ATRN: variants seen among roughly 807,000 people sequenced by gnomAD.
ATRN encodes attractin-2.
In ATRN, 54 loss-of-function variants were observed where a neutral mutation model predicts 178.7. The observed-to-expected ratio is 0.30, with a 90% CI of 0.24 to 0.38. The LOEUF is 0.38. ATRN is among the 10% of genes least tolerant of loss of function. The pLI, the probability that ATRN is intolerant of heterozygous loss-of-function variation, is 1.00. For synonymous variants in ATRN, 636 were observed against 663.0 expected, an observed-to-expected ratio of 0.96 and a Z score of 0.63; for missense variants, 1,443 against 1,815.1, an observed-to-expected ratio of 0.79 and a Z score of 3.73.
chr20:3,562,639 G>A (rs548225450), intron 9 of ATRN, among the ~76,000 whole-genome samples, 180 bp downstream of exon 9: 40 of 152,232 alleles, frequency 2.6e-4, no homozygotes, highest in East Asian at 5.8e-4. Context: ...ATTTTGTTAC[G>A]TTATTCTGTA....
At chr20:3,516,125 T>C (rs1184248704) in intron 1 of ATRN, among the ~76,000 whole-genome samples, 1 of 152,196 alleles carries the variant, frequency 6.6e-6, no homozygotes, top group African/African-American at 2.4e-5. Context: ...CAGCTAATTA[T>C]CAGCTAAAAT....
Position 3,649,840 on chromosome 20 carries a change from GGAATCAGTT to G in ATRN, c.*2994_*3002del, listed in dbSNP as rs2087133604. 1 of 152,156 alleles carries G rather than the reference GGAATCAGTT, an allele frequency of 6.6e-6. No homozygotes were observed. The highest frequency in any genetic ancestry group is 2.1e-4 in the South Asian group (1 of 4,818). The allele number at this position is 152,156 out of a possible 1,614,324, so 9.4% of individuals were successfully genotyped here. A position where few individuals can be genotyped will look rare whatever the true frequency, so the allele number is the denominator to read the frequency against. On this transcript the variant is annotated 3_prime_UTR_variant, in exon 29 of 29. Transcript: ENST00000262919. ...TCTAAATTTTTAATGACCATTTCCT[GGAATCAGTT>G]TATTATACTGAAAACTGGGGGTGGG... is the stretch of plus-strand genomic sequence containing the variant.
chr20:3,495,606 A>T (rs2084867315), intron 1 of ATRN, among the ~76,000 whole-genome samples: 1 of 152,202 alleles, frequency 6.6e-6, no homozygotes. Flanking sequence ...ATGTGAATTT[A>T]AACTATAAAA....
chr20:3,521,341 GA>G (rs904230967), intron 1 of ATRN, among the ~76,000 whole-genome samples: 21 of 142,510 alleles, frequency 1.5e-4, no homozygotes, highest in South Asian at 8.8e-4. Context: ...AAAGTCAAGA[GA>G]AAAAAAAAAC....
Position 3,638,534 on chromosome 20 carries a change from A to C in ATRN, c.3943-294A>C, listed in dbSNP as rs1428404185. The stretch of plus-strand genomic sequence containing the variant: ...GTTTTCTTTATCCAGTCTATCATTG[A>C]TGGGCATTTGGGTTGGTTCTAAGTC... On this transcript the variant is annotated intron_variant, in intron 26 of 28. Coordinates refer to ENST00000262919, the MANE Select transcript of ATRN (RefSeq NM_139321.3). This position sits in a 1 kb window ranked among gnomAD's most constrained non-coding sequence, Gnocchi z 4.5. Among the ~76,000 whole-genome samples, 1 of 152,142 alleles carries C rather than the reference A, an allele frequency of 6.6e-6. No homozygotes were observed. The highest frequency in any genetic ancestry group is 2.4e-5 in the African/African-American group (1 of 41,410).
At position 3,616,108 on chromosome 20, in the gene ATRN, C is replaced by T. The variant is rs526707; in HGVS notation, c.3802-8403C>T. The stretch of plus-strand genomic sequence containing the variant: ...CGAAAGTCCCCTGCTTTTCAGCTTT[C>T]GCTTTGGTTGTCTCTTGTCAGCTCT... On this transcript the variant is annotated intron_variant, in intron 24 of 28. Transcript: ENST00000262919. 8.2e-3 allele frequency among the ~76,000 whole-genome samples: 1,251 copies of T among 151,916 alleles called. 5 individuals carry two copies. Among genetic ancestry groups the T allele is most frequent in the African/African-American group, 0.017 (691 of 41,434 alleles).
At chr20:3,471,782 T>G (rs1410005326) in intron 1 of ATRN, among the ~76,000 whole-genome samples, 1 of 152,158 alleles carries the variant, frequency 6.6e-6, no homozygotes, top group Non-Finnish European at 1.5e-5. Flanking sequence ...ATGGGAAGAA[T>G]GCTGAGGGAC....
intron 18 of ATRN, among the ~76,000 whole-genome samples, chr20:3,586,631 G>C (rs1321230998): frequency 6.9e-6 from 1 of 145,398 alleles, no homozygotes; most frequent in African/African-American, 2.6e-5. Flanking sequence ...TAGGCATGAG[G>C]TTTTCTAGAG....
intron 25 of ATRN, among the ~76,000 whole-genome samples, chr20:3,628,609 C>G (rs1309493106): frequency 6.6e-6 from 1 of 152,148 alleles, no homozygotes; most frequent in Non-Finnish European, 1.5e-5. Flanking sequence ...TCTTGGTTAT[C>G]AGATCTAAAA....
chr20:3,591,714 T>C (rs932022423), intron 19 of ATRN, among the ~76,000 whole-genome samples: 4 of 151,944 alleles, frequency 2.6e-5, no homozygotes, highest in Non-Finnish European at 5.9e-5. Context: ...GACACTAAGG[T>C]TGTGGGAAGG....
At chr20:3,501,426 G>A (rs1600041271) in intron 1 of ATRN, among the ~76,000 whole-genome samples, 2 of 152,124 alleles carry the variant, frequency 1.3e-5, no homozygotes, top group African/African-American at 4.8e-5. Context: ...GGAACTTAGG[G>A]TACCTTAGAA....
chr20:3,629,307 C>T (rs372560207), intron 25 of ATRN: 12 of 985,000 alleles, frequency 1.2e-5, no homozygotes, highest in Admixed American at 6.1e-5. Context: ...AACTGGCGTC[C>T]GCTTTTCCAT....
At chr20:3,598,991 T>C (rs2086569308) in intron 22 of ATRN, among the ~76,000 whole-genome samples, 1 of 152,206 alleles carries the variant, frequency 6.6e-6, no homozygotes, top group Non-Finnish European at 1.5e-5. Context: ...ACAAAGTCTA[T>C]AGTGTGGTAT....
At chr20:3,639,763 C>G (rs975648142) in intron 27 of ATRN, among the ~76,000 whole-genome samples, 9 of 152,050 alleles carry the variant, frequency 5.9e-5, no homozygotes, top group African/African-American at 2.2e-4. Context: ...TAAAATGTTA[C>G]TGAGCTCACA....
At chr20:3,535,887 T>C (rs237409) in intron 2 of ATRN, among the ~76,000 whole-genome samples, 40,516 of 151,752 alleles carry the variant, frequency 0.27, 5,914 homozygotes, top group African/African-American at 0.33. Context: ...GCCTCAGCCT[T>C]CCAAAGTGCT....
intron 1 of ATRN, 137 bp downstream of exon 1, chr20:3,471,654 C>A: frequency 8.6e-7 from 1 of 1,159,270 alleles, no homozygotes; most frequent in Non-Finnish European, 1.1e-6. Context: ...GTTTGAGGGC[C>A]ATTTGCTTCC....
Position 3,649,133 on chromosome 20 carries a change from A to G in ATRN, c.*2286A>G, listed in dbSNP as rs2087127826. The G allele has an allele frequency of 6.6e-6, 1 of 152,222 alleles. No individual in the cohort carries two copies. Among genetic ancestry groups the G allele is most frequent in the Non-Finnish European group, 1.5e-5 (1 of 68,036 alleles). The allele number at this position is 152,222 out of a possible 1,614,324, so 9.4% of individuals were successfully genotyped here. On this transcript the variant is annotated 3_prime_UTR_variant, in exon 29 of 29. Transcript: ENST00000262919. Reference sequence around the variant, plus strand: ...GCTTCTCCTTTGCAACCGACAGCAAACAGCTTTCTCCGGCCTCAGGGCAGA... The same window carrying G: ...GCTTCTCCTTTGCAACCGACAGCAAGCAGCTTTCTCCGGCCTCAGGGCAGA...
At chr20:3,619,024 T>C (rs541474240) in intron 24 of ATRN, among the ~76,000 whole-genome samples, 1 of 152,274 alleles carries the variant, frequency 6.6e-6, no homozygotes, top group African/African-American at 2.4e-5. Context: ...ATGGGCTCCT[T>C]CTGGGCTGAG....
chr20:3,625,527 C>G (rs894998818), intron 25 of ATRN, among the ~76,000 whole-genome samples: 2 of 152,180 alleles, frequency 1.3e-5, no homozygotes, highest in African/African-American at 4.8e-5. Flanking sequence ...GTGCCTACCC[C>G]TGATTTATCA....
Sources: allele counts gnomAD v4.1 joint callset (sites outside exome capture counted in the v4.1 genomes callset), GRCh38; gene constraint gnomAD v4.1.1; non-coding constraint Gnocchi (gnomAD v3.1); transcripts MANE v1.5; gene names NCBI Gene and HGNC (gene_info 2026-07-23, HGNC 2026-07-21).